CGNL1: variants seen among roughly 807,000 people sequenced by gnomAD.
The protein encoded by CGNL1 is cingulin-like protein 1.
Under a neutral mutation model 141.2 loss-of-function variants are expected in CGNL1, and 132 were observed. The observed-to-expected ratio is 0.93, with a 90% CI of 0.81 to 1.08. The LOEUF is 1.08. CGNL1 is among the 50% of genes least tolerant of loss of function. CGNL1 has a pLI of 0.00. For synonymous variants in CGNL1, 690 were observed against 622.1 expected, an observed-to-expected ratio of 1.11 and a Z score of -1.63; for missense variants, 1,870 against 1,588.6, an observed-to-expected ratio of 1.18 and a Z score of -3.01.
intron 1 of CGNL1, among the ~76,000 whole-genome samples, chr15:57,408,197 C>G (rs918174553): frequency 1.3e-5 from 2 of 152,042 alleles, no homozygotes; most frequent in Admixed American, 1.3e-4. Context: ...GTCTATCCCA[C>G]GAAGCCATTT....
In CGNL1 at chr15:57,516,837, G is replaced by C. The variant is rs766972741; in HGVS notation, c.2461G>C (p.Glu821Gln). 6.2e-7 allele frequency: 1 copy of C among 1,614,174 alleles called. No individual in the cohort carries two copies. The highest frequency in any genetic ancestry group is 2.2e-5 in the East Asian group (1 of 44,870). ...TTCAGAGCAAGACCAGGCGGGGACT[G>C]AAATGCGCGTGAAGCTTCTGCAGGA... ...NTSEQDQAGT[E>Q]MRVKLLQEEN... Residue 821 changes from glutamate to glutamine, a missense_variant, in exon 9 of 19, where the codon GAA (glutamate) becomes CAA (glutamine). By Grantham distance (29) the Glu-to-Gln change is conservative (BLOSUM62 2). Transcript: ENST00000281282.
intron 8 of CGNL1, among the ~76,000 whole-genome samples, chr15:57,488,426 T>G (rs770232571): frequency 2.0e-5 from 3 of 152,240 alleles, no homozygotes; most frequent in Non-Finnish European, 2.9e-5. Flanking sequence ...CTCTTTTTTC[T>G]GTTGGTACTT....
intron 1 of CGNL1, among the ~76,000 whole-genome samples, chr15:57,386,192 C>T (rs2062480624): frequency 6.6e-6 from 1 of 152,206 alleles, no homozygotes; most frequent in Non-Finnish European, 1.5e-5. Context: ...AGTGAAACCA[C>T]TTAGCCTGTG....
intron 1 of CGNL1, among the ~76,000 whole-genome samples, chr15:57,394,282 C>T (rs2152236994): frequency 6.6e-6 from 1 of 151,820 alleles, no homozygotes; most frequent in Middle Eastern, 3.4e-3. Context: ...TGCCATCAAG[C>T]CCAGCTAATT....
At chr15:57,408,174 C>T (rs1762605996) in intron 1 of CGNL1, among the ~76,000 whole-genome samples, 1 of 152,072 alleles carries the variant, frequency 6.6e-6, no homozygotes, top group South Asian at 2.1e-4. Context: ...GTGGGATGCT[C>T]AGGAAGAAAA....
chr15:57,398,907 A>C (rs2062630534), intron 1 of CGNL1, among the ~76,000 whole-genome samples: 1 of 152,186 alleles, frequency 6.6e-6, no homozygotes, highest in Non-Finnish European at 1.5e-5. Flanking sequence ...ATTTTGAAAA[A>C]ATTTATTATT....
chr15:57,384,889 C>G (rs1163663335), intron 1 of CGNL1, among the ~76,000 whole-genome samples: 4 of 152,172 alleles, frequency 2.6e-5, no homozygotes, highest in African/African-American at 4.8e-5. Context: ...GAAAAACAGA[C>G]AAGCCTTAAG....
chr15:57,442,203 A>G (rs1383811514), intron 3 of CGNL1, among the ~76,000 whole-genome samples, 170 bp from the exon 4 acceptor site: 28 of 136,604 alleles, frequency 2.0e-4, no homozygotes, highest in Admixed American at 2.0e-3. Context: ...AAAAAAAAAA[A>G]GACACCATCC....
chr15:57,404,831 G>C (rs12909509), intron 1 of CGNL1, among the ~76,000 whole-genome samples: 1 of 152,024 alleles, frequency 6.6e-6, no homozygotes, highest in Non-Finnish European at 1.5e-5. Flanking sequence ...TGGGAATCAA[G>C]TTCATGTGGA....
At chr15:57,448,087 GT>G (rs2063279010) in intron 4 of CGNL1, among the ~76,000 whole-genome samples, 1 of 151,196 alleles carries the variant, frequency 6.6e-6, no homozygotes, top group Non-Finnish European at 1.5e-5. Context: ...TGGGAGGATT[GT>G]TTGAGGCCAG....
chr15:57,476,539 A>T (rs2152353232), intron 8 of CGNL1, among the ~76,000 whole-genome samples: 1 of 152,358 alleles, frequency 6.6e-6, no homozygotes, highest in Middle Eastern at 3.4e-3. Flanking sequence ...ATAGTTGGTG[A>T]CAGAAGAATT....
In CGNL1 at chr15:57,494,140, C is replaced by T. The variant is rs538596509; in HGVS notation, c.2404-22640C>T. Among the ~76,000 whole-genome samples, 51 of 152,292 alleles carry T rather than the reference C, an allele frequency of 3.3e-4. No homozygotes were observed. In the South Asian group the frequency reaches 9.3e-3, roughly 28 times the overall value. On this transcript the variant is annotated intron_variant, in intron 8 of 18. Coordinates refer to ENST00000281282, the MANE Select transcript of CGNL1 (RefSeq NM_032866.5). ...AGCAAGGGATGTAGGCTCCAAAGAC[C>T]GTCATTTTTATATGCCTGTGTTCTT...
At chr15:57,419,938 C>T (rs2062894680) in intron 1 of CGNL1, among the ~76,000 whole-genome samples, 1 of 152,134 alleles carries the variant, frequency 6.6e-6, no homozygotes, top group Non-Finnish European at 1.5e-5. Context: ...TCTGCTCTTC[C>T]CCATTTATGT....
At chr15:57,391,355 T>C (rs1297227487) in intron 1 of CGNL1, among the ~76,000 whole-genome samples, 3 of 152,242 alleles carry the variant, frequency 2.0e-5, no homozygotes, top group African/African-American at 7.2e-5. Context: ...GCCTTGCTGT[T>C]ACTGCTTTGC....
chr15:57,426,886 T>C (rs1385394864), intron 1 of CGNL1, among the ~76,000 whole-genome samples: 1 of 152,136 alleles, frequency 6.6e-6, no homozygotes, highest in Non-Finnish European at 1.5e-5. Flanking sequence ...CAGAGCCATC[T>C]ATATAGATCT....
rs367680036 is a variant in CGNL1, at chr15:57,438,217, G to A, written c.218G>A (p.Gly73Glu). The A allele has an allele frequency of 1.9e-5, 31 of 1,613,960 alleles. No homozygotes were observed. The African/African-American group carries it at 3.6e-4, about 19-fold the overall frequency. Residue 73 changes from glycine (G) to glutamate (E), a missense_variant, in exon 2 of 19, where the codon GGG (glycine) becomes GAG (glutamate). Gly to Glu is a moderately conservative substitution (Grantham distance 98). Coordinates refer to ENST00000281282, the MANE Select transcript of CGNL1 (RefSeq NM_032866.5). ...GCAGGCACATCGTTTTCTGAAAATG[G>A]GCCACCCTTTCCACCTCCAGTGATA... ...CLAGTSFSEN[G>E]PPFPPPVINN...
intron 1 of CGNL1, among the ~76,000 whole-genome samples, chr15:57,424,551 C>T (rs1249817110): frequency 6.6e-6 from 1 of 152,146 alleles, no homozygotes; most frequent in African/African-American, 2.4e-5. Flanking sequence ...ATCAGCATGT[C>T]CCAGATGAGC....
At chr15:57,460,637 G>A (rs572885888) in intron 7 of CGNL1, among the ~76,000 whole-genome samples, 1 of 152,294 alleles carries the variant, frequency 6.6e-6, no homozygotes, top group East Asian at 1.9e-4. Flanking sequence ...GAGAGAGTGA[G>A]CAAAGTGGGG....
chr15:57,473,413 T>C (rs999211809), intron 8 of CGNL1, among the ~76,000 whole-genome samples: 1 of 152,158 alleles, frequency 6.6e-6, no homozygotes, highest in Admixed American at 6.5e-5. Context: ...AGAACCAGTA[T>C]GGAAACAGGA....
Sources: allele counts gnomAD v4.1 joint callset (sites outside exome capture counted in the v4.1 genomes callset), GRCh38; gene constraint gnomAD v4.1.1; transcripts MANE v1.5; gene names NCBI Gene and HGNC (gene_info 2026-07-23, HGNC 2026-07-21).